Variants in RGPD3 observed in about 807,000 individuals in gnomAD.
The protein encoded by RGPD3 is RANBP2 like and GRIP domain containing 3, also known as ranBP2-like and GRIP domain-containing protein 3.
A neutral mutation model predicts 154.5 loss-of-function variants in RGPD3; 62 were observed. The observed-to-expected ratio is 0.40, with a 90% CI of 0.33 to 0.50. The LOEUF (loss-of-function observed/expected upper bound fraction) is 0.50, where lower values mean the gene tolerates loss of function less well. Among genes scored for constraint, RGPD3 ranks in the 20% least tolerant of loss-of-function variants. The pLI is 0.59. For missense variants in RGPD3, 919 were observed against 1,716.8 expected (o/e 0.54, Z 8.21); for synonymous variants, 308 against 607.0 (o/e 0.51, Z 7.24).
intron 6 of RGPD3, among the ~76,000 whole-genome samples, chr2:106,450,984 G>A (rs1406081599): frequency 6.7e-6 from 1 of 150,158 alleles, no homozygotes; most frequent in East Asian, 2.0e-4. Context: ...AGCTACTCGG[G>A]AGGCTGAGGC....
At chr2:106,467,629 A>C (rs367605891) in intron 1 of RGPD3, among the ~76,000 whole-genome samples, 3,328 of 20,388 alleles carry the variant, frequency 0.16, 1 homozygote, top group East Asian at 0.27. Flanking sequence ...GGGTCGAGGC[A>C]GCCGCCTCCA....
At chr2:106,420,243 A>G (rs1676938166) in intron 20 of RGPD3, among the ~76,000 whole-genome samples, 1 of 143,526 alleles carries the variant, frequency 7.0e-6, no homozygotes, top group South Asian at 2.3e-4. Context: ...AATTAAATAA[A>G]AACTGTTACT....
chr2:106,432,797 A>AAG, intron 17 of RGPD3, 138 bp downstream of exon 17: 2 of 1,118,466 alleles, frequency 1.8e-6, no homozygotes, highest in African/African-American at 1.6e-5. Context: ...AAAAAAAAAA[A>AAG]AAAGACCAAA....
intron 18 of RGPD3, 68 bp from the exon 19 acceptor site, chr2:106,426,156 A>G (rs1280681999): frequency 6.4e-7 from 1 of 1,552,134 alleles, no homozygotes; most frequent in East Asian, 2.2e-5. Context: ...CTATCTAGGC[A>G]AGAGCTACAA....
intron 1 of RGPD3, among the ~76,000 whole-genome samples, chr2:106,461,382 C>T (rs900178430): frequency 4.7e-4 from 72 of 152,134 alleles, no homozygotes; most frequent in African/African-American, 1.7e-3. Context: ...GATCTGATAA[C>T]TGAGATGGCT....
chr2:106,437,726 A>C (rs1363407908), intron 9 of RGPD3, among the ~76,000 whole-genome samples: 1 of 151,966 alleles, frequency 6.6e-6, no homozygotes, highest in African/African-American at 2.4e-5. Flanking sequence ...ACAGTGGAAA[A>C]GTTGAGAAAA....
chr2:106,404,867 G>A lies in RGPD3; in HGVS notation c.*352C>T, dbSNP rs1253430066. 5 of 272,726 alleles carry A rather than the reference G, an allele frequency of 1.8e-5. No homozygotes were observed. Among genetic ancestry groups the A allele is most frequent in the East Asian group, 7.8e-5 (1 of 12,846 alleles). 16.9% of individuals were successfully genotyped at this position (272,726 alleles called of 1,614,324 possible). ...TTCACAGTACTGCCGAGAAATGGGC[G>A]GGTCCTGAGGTTCCAGAGAAGTGGG... On this transcript the variant is annotated 3_prime_UTR_variant, in exon 23 of 23. Transcript: ENST00000409886.
intron 17 of RGPD3, among the ~76,000 whole-genome samples, chr2:106,430,525 C>T (rs1366460400): frequency 6.7e-6 from 1 of 149,338 alleles, no homozygotes; most frequent in African/African-American, 2.5e-5. Flanking sequence ...ACACTGCAAT[C>T]TGGACTACCT....
rs1488143037 is a variant in RGPD3 at position 106,403,719 on chromosome 2, A to G, written c.*1500T>C. Among the ~76,000 whole-genome samples the G allele has an allele frequency of 1.3e-5, 2 of 152,282 alleles. No homozygotes were observed. Among genetic ancestry groups the G allele is most frequent in the Non-Finnish European group, 2.9e-5 (2 of 68,052 alleles). On this transcript the variant is annotated 3_prime_UTR_variant, in exon 23 of 23. Transcript: ENST00000409886. The stretch of plus-strand genomic sequence containing the variant: ...TCGGCTCTGAAATAGATGCATTTTC[A>G]TTCATACATTCGCTAGTTAGGTCTG...
At position 106,437,428 on chromosome 2, in the gene RGPD3, C is replaced by T. The variant is rs956145155; in HGVS notation, c.1277-574G>A. On this transcript the variant is annotated intron_variant, in intron 9 of 22. Coordinates refer to ENST00000409886, the MANE Select transcript of RGPD3 (RefSeq NM_001144013.2). ...ATGGGAGGCTGAGGCAAGACAATTGCTTGAACCTGGCAGGCGGAAGTTGCA... is the reference window on the plus strand; with the variant it reads ...ATGGGAGGCTGAGGCAAGACAATTGTTTGAACCTGGCAGGCGGAAGTTGCA... Among the ~76,000 whole-genome samples the T allele has an allele frequency of 2.0e-5, 3 of 150,836 alleles. 1 individual carries two copies. The highest frequency in any genetic ancestry group is 7.3e-5 in the African/African-American group (3 of 40,894).
chr2:106,410,542 G>T (rs1039570264), intron 22 of RGPD3, among the ~76,000 whole-genome samples: 1 of 152,086 alleles, frequency 6.6e-6, no homozygotes, highest in African/African-American at 2.4e-5. Context: ...TTTAAAAGAG[G>T]GCTGTTAGAC....
At chr2:106,462,619 A>G (rs1210016299) in intron 1 of RGPD3, among the ~76,000 whole-genome samples, 1 of 152,262 alleles carries the variant, frequency 6.6e-6, no homozygotes, top group African/African-American at 2.4e-5. Flanking sequence ...TAAGATAGAG[A>G]TGTAATTGTA....
At chr2:106,451,084 T>G (rs1678106423) in intron 6 of RGPD3, among the ~76,000 whole-genome samples, 1 of 38,678 alleles carries the variant, frequency 2.6e-5, no homozygotes, top group African/African-American at 8.8e-5. Context: ...CAAGACTCCC[T>G]CTCAAAAAAA....
At chr2:106,449,556 T>A (rs1254789408) in intron 6 of RGPD3, among the ~76,000 whole-genome samples, 1 of 151,714 alleles carries the variant, frequency 6.6e-6, no homozygotes, top group Admixed American at 6.6e-5. Flanking sequence ...TTTGTTTTAA[T>A]TTCTAATGTA....
At chr2:106,426,719 A>G (rs1271644305) in intron 18 of RGPD3, among the ~76,000 whole-genome samples, 1 of 152,264 alleles carries the variant, frequency 6.6e-6, no homozygotes, top group Non-Finnish European at 1.5e-5. Flanking sequence ...CCTGTTAATG[A>G]CAAAACTACC....
At chr2:106,461,586 C>T (rs1251601795) in intron 1 of RGPD3, among the ~76,000 whole-genome samples, 1 of 151,088 alleles carries the variant, frequency 6.6e-6, no homozygotes, top group Non-Finnish European at 1.5e-5. Context: ...ACGGGTGACG[C>T]AGGTAAGTAA....
intron 9 of RGPD3, among the ~76,000 whole-genome samples, chr2:106,437,468 C>T (rs74764502): frequency 0.059 from 8,883 of 151,646 alleles, 356 homozygotes; most frequent in Non-Finnish European, 0.087. Context: ...GCCAAGATTG[C>T]GCCACTGCGC....
rs1442243766 is a variant in RGPD3, at chr2:106,466,003, T to C, written c.72+2214A>G. On this transcript the variant is annotated intron_variant, in intron 1 of 22. Coordinates refer to ENST00000409886, the MANE Select transcript of RGPD3 (RefSeq NM_001144013.2). Reference sequence around the variant, plus strand: ...TGGGTTCCTCCAGGCCAAGGAGGTATGACCTCCGCCGCAGCATATAAAGTA... The same window carrying C: ...TGGGTTCCTCCAGGCCAAGGAGGTACGACCTCCGCCGCAGCATATAAAGTA... Among the ~76,000 whole-genome samples the C allele has an allele frequency of 4.3e-3, 654 of 150,866 alleles. 6 individuals are homozygous for C. The highest frequency in any genetic ancestry group is 0.01 in the African/African-American group (410 of 40,738).
Position 106,413,121 on chromosome 2 carries a change from G to A in RGPD3, c.5229C>T (p.Ser1743=), listed in dbSNP as rs1391303109. ...LPVINTMLQL[S]LEEKGKLAAV... ...CAGCAAGTTTTCCCTTTTCTTCAAG[G>A]CTGAGCTGCAACATCGTATTTATAA... Residue 1743 remains serine (S), a synonymous_variant, in exon 22 of 23, where the codon AGC becomes AGT. Coordinates refer to ENST00000409886, the MANE Select transcript of RGPD3 (RefSeq NM_001144013.2). 1.9e-6 allele frequency: 3 copies of A among 1,611,048 alleles called. No individual in the cohort carries two copies. Among genetic ancestry groups the A allele is most frequent in the Non-Finnish European group, 2.5e-6 (3 of 1,179,696 alleles).
Sources: allele counts gnomAD v4.1 joint callset (sites outside exome capture counted in the v4.1 genomes callset), GRCh38; gene constraint gnomAD v4.1.1; transcripts MANE v1.5; gene names NCBI Gene and HGNC (gene_info 2026-07-23, HGNC 2026-07-21).